The following PLXDC2 variants were observed in gnomAD, a reference collection of about 807,000 sequenced individuals.
The protein encoded by PLXDC2 is plexin domain containing 2.
PLXDC2 carries 40 observed loss-of-function variants against 68.9 expected under a neutral mutation model. The ratio of observed to expected loss-of-function variants is 0.58; its 90% confidence interval spans 0.45 to 0.76. The LOEUF (loss-of-function observed/expected upper bound fraction) is 0.76. Among genes scored for constraint, PLXDC2 ranks in the 30% least tolerant of loss-of-function variants. PLXDC2 has a pLI of 0.00. For missense variants in PLXDC2, 644 were observed against 661.9 expected (o/e 0.97, Z 0.30); for synonymous variants, 243 against 234.2 (o/e 1.04, Z -0.34).
chr10:20,050,252 AC>A (rs1327393378), intron 3 of PLXDC2, among the ~76,000 whole-genome samples: 1 of 152,162 alleles, frequency 6.6e-6, no homozygotes, highest in Non-Finnish European at 1.5e-5. Context: ...TCAAAACTAT[AC>A]AAACCCTGGA....
At chr10:19,987,232 A>G (rs750254122) in intron 1 of PLXDC2, among the ~76,000 whole-genome samples, 2 of 152,194 alleles carry the variant, frequency 1.3e-5, no homozygotes, top group Admixed American at 6.5e-5. Context: ...ATGTTCGATC[A>G]GCCTTTTCCA....
chr10:20,050,057 C>G (rs1233069586), intron 3 of PLXDC2, among the ~76,000 whole-genome samples: 1 of 152,048 alleles, frequency 6.6e-6, no homozygotes, highest in African/African-American at 2.4e-5. Context: ...AATAAGGCCA[C>G]ATACCTATGA....
chr10:20,087,500 T>A (rs1386658417), intron 4 of PLXDC2, among the ~76,000 whole-genome samples: 1 of 152,174 alleles, frequency 6.6e-6, no homozygotes, highest in Admixed American at 6.5e-5. Flanking sequence ...TAAATACTGA[T>A]GTTGTCCAGG....
At chr10:20,006,737 AG>A (rs1835034352) in intron 2 of PLXDC2, among the ~76,000 whole-genome samples, 1 of 152,246 alleles carries the variant, frequency 6.6e-6, no homozygotes, top group South Asian at 2.1e-4. Flanking sequence ...AAAACTTGGT[AG>A]CCCAGTTAAA....
Position 20,047,282 on chromosome 10 carries a change from T to C in PLXDC2, c.471+267T>C, listed in dbSNP as rs372270100. 1.1e-4 allele frequency among the ~76,000 whole-genome samples: 16 copies of C among 152,262 alleles called. No individual in the cohort carries two copies. The East Asian group carries it at 2.7e-3, about 26-fold the overall frequency. ...TCTCAGTATATCTGATGAATGTATA[T>C]TGGATTCTAAATTGAGCTTTATCTT... On this transcript the variant is annotated intron_variant, in intron 3 of 13. Transcript: ENST00000377252.
chr10:20,111,304 G>T (rs1053818964), intron 4 of PLXDC2, among the ~76,000 whole-genome samples: 1 of 152,034 alleles, frequency 6.6e-6, no homozygotes, highest in South Asian at 2.1e-4. Context: ...AATCCCTCAT[G>T]CCATTTGTTA....
At chr10:20,015,114 T>G (rs1414441216) in intron 2 of PLXDC2, among the ~76,000 whole-genome samples, 1 of 152,182 alleles carries the variant, frequency 6.6e-6, no homozygotes, top group Non-Finnish European at 1.5e-5. Context: ...TTTTCTCACA[T>G]TACTCCATTT....
chr10:19,843,953 G>T (rs1836952079), intron 1 of PLXDC2, among the ~76,000 whole-genome samples: 1 of 152,188 alleles, frequency 6.6e-6, no homozygotes, highest in African/African-American at 2.4e-5. Context: ...ACATAAAAAT[G>T]ATAAACAGTG....
intron 4 of PLXDC2, among the ~76,000 whole-genome samples, chr10:20,109,281 A>G (rs571596824): frequency 2.0e-5 from 3 of 152,340 alleles, no homozygotes; most frequent in African/African-American, 7.2e-5. Context: ...CATTGTCTCA[A>G]TGACACACTG....
intron 1 of PLXDC2, among the ~76,000 whole-genome samples, chr10:19,827,868 A>G (rs1836603950): frequency 6.6e-6 from 1 of 152,126 alleles, no homozygotes; most frequent in African/African-American, 2.4e-5. Flanking sequence ...CATCATAACA[A>G]ATTGTTAATA....
chr10:19,931,319 T>C (rs1833629109), intron 1 of PLXDC2, among the ~76,000 whole-genome samples: 1 of 152,238 alleles, frequency 6.6e-6, no homozygotes, highest in African/African-American at 2.4e-5. Flanking sequence ...GAATGCTGTG[T>C]GGAGGCGCTG....
At chr10:20,091,464 T>G (rs1037999452) in intron 4 of PLXDC2, among the ~76,000 whole-genome samples, 9 of 152,202 alleles carry the variant, frequency 5.9e-5, no homozygotes, top group Non-Finnish European at 5.9e-5. Context: ...TCATATAGTT[T>G]TCTGACTCAT....
chr10:20,209,532 A>T (rs1381366570), intron 9 of PLXDC2, among the ~76,000 whole-genome samples: 2 of 151,514 alleles, frequency 1.3e-5, no homozygotes, highest in Admixed American at 1.3e-4. Context: ...ATAATAATAA[A>T]AAAAAAGAAT....
chr10:19,986,166 C>A (rs780116492), intron 1 of PLXDC2, among the ~76,000 whole-genome samples: 6 of 152,012 alleles, frequency 3.9e-5, no homozygotes, highest in African/African-American at 2.4e-5. Context: ...GGAACTTAGG[C>A]ATTTTGCAGA....
intron 3 of PLXDC2, among the ~76,000 whole-genome samples, chr10:20,066,835 T>C (rs116431445): frequency 0.018 from 2,749 of 152,260 alleles, 92 homozygotes; most frequent in African/African-American, 0.063. Context: ...ACATTAAAAA[T>C]TTGTGTATTG....
chr10:19,877,438 GC>G (rs1837652060), intron 1 of PLXDC2, among the ~76,000 whole-genome samples: 2 of 152,232 alleles, frequency 1.3e-5, no homozygotes, highest in African/African-American at 4.8e-5. Context: ...TGGCTTATTA[GC>G]TTATGAAGTA....
chr10:19,959,515 G>A (rs1341405340), intron 1 of PLXDC2, among the ~76,000 whole-genome samples: 2 of 152,152 alleles, frequency 1.3e-5, no homozygotes, highest in Non-Finnish European at 2.9e-5. Context: ...TTTATTAAAT[G>A]TATGCTGACT....
chr10:20,216,501 G>A (rs1835139788), intron 10 of PLXDC2, among the ~76,000 whole-genome samples: 1 of 152,140 alleles, frequency 6.6e-6, no homozygotes, highest in Non-Finnish European at 1.5e-5. Context: ...AAAGGAGGCT[G>A]TCTCAGGAAG....
intron 11 of PLXDC2, among the ~76,000 whole-genome samples, chr10:20,218,347 T>C (rs1835167548): frequency 6.6e-6 from 1 of 152,170 alleles, no homozygotes; most frequent in African/African-American, 2.4e-5. Context: ...GAACTTTTAA[T>C]TGGAATTTAA....
Sources: allele counts gnomAD v4.1 joint callset (sites outside exome capture counted in the v4.1 genomes callset), GRCh38; gene constraint gnomAD v4.1.1; transcripts MANE v1.5; gene names NCBI Gene and HGNC (gene_info 2026-07-23, HGNC 2026-07-21).